The following NLN variants were observed in gnomAD, a reference collection of about 807,000 sequenced individuals.
NLN encodes the protein neurolysin.
A neutral mutation model predicts 79.9 loss-of-function variants in NLN; 64 were observed. That is an observed-to-expected ratio of 0.80 (90% confidence interval 0.65 to 0.99). The LOEUF (loss-of-function observed/expected upper bound fraction) is 0.99. Ranked by LOEUF, NLN falls within the 50% of genes least tolerant of loss-of-function variation. The pLI is 0.00. For synonymous variants in NLN, 267 were observed against 296.6 expected (o/e 0.90, Z 1.02); for missense variants, 835 against 858.7 (o/e 0.97, Z 0.34).
At chr5:65,815,844 G>A (rs1313407181) in intron 12 of NLN, among the ~76,000 whole-genome samples, 1 of 151,908 alleles carries the variant, frequency 6.6e-6, no homozygotes, top group Non-Finnish European at 1.5e-5. Context: ...CAGGTACCCA[G>A]TTATTAAAAA....
intron 4 of NLN, among the ~76,000 whole-genome samples, chr5:65,779,051 A>G (rs1469494831): frequency 1.3e-5 from 2 of 152,036 alleles, no homozygotes; most frequent in African/African-American, 2.4e-5. Flanking sequence ...GGGCGCTGCA[A>G]AGTGGGGCAG....
chr5:65,724,967 A>T (rs950031651), intron 1 of NLN, among the ~76,000 whole-genome samples: 9 of 151,008 alleles, frequency 6.0e-5, no homozygotes, highest in Non-Finnish European at 1.3e-4. Flanking sequence ...ACGCCCGGCT[A>T]ATTTTTTTTT....
rs1759985162 is a variant in NLN at position 65,788,445 on chromosome 5, GAGA to G, written c.1289_1291del (p.Glu430del). 1.9e-6 allele frequency: 3 copies of G among 1,613,812 alleles called. No individual in the cohort carries two copies. The African/African-American group carries it at 4.0e-5, about 22-fold the overall frequency. ...TATACTGTGAAGGATAAAGCTACAG[GAGA>G]AGTATTGGGACAGTTCTATTTGGAC... On this transcript the variant is annotated inframe_deletion, in exon 8 of 13. Coordinates refer to ENST00000380985, the MANE Select transcript of NLN (RefSeq NM_020726.5).
intron 3 of NLN, among the ~76,000 whole-genome samples, chr5:65,768,434 G>A (rs1227009464): frequency 1.3e-5 from 2 of 152,230 alleles, no homozygotes; most frequent in Middle Eastern, 3.4e-3. Context: ...CAGCATGGGG[G>A]AAACTGACCA....
chr5:65,766,959 C>G (rs1248623697), intron 3 of NLN, among the ~76,000 whole-genome samples: 1 of 152,264 alleles, frequency 6.6e-6, no homozygotes, highest in Non-Finnish European at 1.5e-5. Flanking sequence ...GGGGTGGGCC[C>G]CCATGGCCTT....
At chr5:65,811,556 G>A (rs758063851) in intron 11 of NLN, among the ~76,000 whole-genome samples, 3 of 152,062 alleles carry the variant, frequency 2.0e-5, no homozygotes, top group Admixed American at 6.6e-5. Context: ...GGTGACTCAC[G>A]CCTGTAATCC....
In NLN at chr5:65,738,948, T is replaced by TAA. The variant is rs1491433862; in HGVS notation, c.41+16534_41+16535insAA. ...TGTGTGTATATATATTTTTTATATA[T>TAA]GTTTATATATATGTATATATAAATA... On this transcript the variant is annotated intron_variant, in intron 1 of 12. Coordinates refer to ENST00000380985, the MANE Select transcript of NLN (RefSeq NM_020726.5). Among the ~76,000 whole-genome samples, 512 of 82,740 alleles carry TAA rather than the reference T, an allele frequency of 6.2e-3. 14 individuals are homozygous for TAA. Among genetic ancestry groups the TAA allele is most frequent in the African/African-American group, 0.024 (496 of 20,972 alleles). 54.3% of individuals were successfully genotyped at this position (82,740 alleles called of 152,430 possible). A position where few individuals can be genotyped will look rare whatever the true frequency, so the allele number is the denominator to read the frequency against.
chr5:65,785,896 T>C lies in NLN; in HGVS notation c.944T>C (p.Val315Ala), dbSNP rs1405903784. The change falls in exon 7 of 13, where the codon GTA becomes GCA. Residue 315 changes from valine (V) to alanine (A), a missense_variant. Transcript: ENST00000380985. ...AACACTGCAAAGAGCACAAGCCGCG[T>C]AACAGCCTTTCTAGGTTAGTTCTTT... Reference protein sequence around the residue: ...EMNTAKSTSRVTAFLDDLSQK... With the variant: ...EMNTAKSTSRATAFLDDLSQK... The C allele has an allele frequency of 6.2e-7, 1 of 1,612,204 alleles. No individual in the cohort carries two copies. The highest frequency in any genetic ancestry group is 1.7e-5 in the Admixed American group (1 of 59,830).
At chr5:65,814,415 C>T (rs546918522) in intron 12 of NLN, among the ~76,000 whole-genome samples, 72 of 152,196 alleles carry the variant, frequency 4.7e-4, no homozygotes, top group African/African-American at 1.7e-3. Context: ...CAAATTTATT[C>T]GTTCTATTTC....
chr5:65,780,831 G>A (rs71632540), intron 5 of NLN, among the ~76,000 whole-genome samples: 3,930 of 152,156 alleles, frequency 0.026, 75 homozygotes, highest in South Asian at 0.046. Flanking sequence ...GTGCCACCAC[G>A]CCCAGCTAAT....
At chr5:65,820,186 G>T (rs1760762591) in intron 12 of NLN, among the ~76,000 whole-genome samples, 1 of 152,164 alleles carries the variant, frequency 6.6e-6, no homozygotes, top group Admixed American at 6.5e-5. Flanking sequence ...CATTTGGAGT[G>T]ATTTTTTAAA....
intron 1 of NLN, among the ~76,000 whole-genome samples, chr5:65,748,952 T>A (rs563735699): frequency 6.6e-6 from 1 of 152,302 alleles, no homozygotes; most frequent in South Asian, 2.1e-4. Context: ...TGGGAGGTCA[T>A]TGAATCTGGG....
intron 1 of NLN, 58 bp from the exon 2 acceptor site, chr5:65,758,508 AT>A: frequency 2.5e-6 from 3 of 1,192,688 alleles, no homozygotes; most frequent in South Asian, 1.4e-5. Flanking sequence ...GCACATTCAT[AT>A]GTTGACTTTG....
intron 1 of NLN, among the ~76,000 whole-genome samples, chr5:65,753,775 G>A (rs944528051): frequency 7.9e-5 from 12 of 152,008 alleles, no homozygotes; most frequent in African/African-American, 2.4e-4. Context: ...TGTTTTAGTC[G>A]TTGTTCTTCT....
chr5:65,814,893 T>C (rs1002393843), intron 12 of NLN, among the ~76,000 whole-genome samples: 2 of 152,140 alleles, frequency 1.3e-5, no homozygotes, highest in African/African-American at 4.8e-5. Flanking sequence ...TACCATACAA[T>C]ACGAATGTTG....
chr5:65,787,921 C>T (rs1405806687), intron 7 of NLN, among the ~76,000 whole-genome samples, 197 bp from the exon 8 acceptor site: 7 of 152,150 alleles, frequency 4.6e-5, no homozygotes, highest in Admixed American at 2.0e-4. Context: ...TCAATAACCC[C>T]GAAGAGCAAA....
At chr5:65,762,856 C>G in intron 2 of NLN, 104 bp from the exon 3 acceptor site, 1 of 1,146,320 alleles carries the variant, frequency 8.7e-7, no homozygotes, top group East Asian at 2.4e-5. Context: ...TAAAATAAAA[C>G]AAACTTTTAT....
Position 65,763,057 on chromosome 5 carries a change from T to C in NLN, c.399T>C (p.Asp133=). Residue 133 remains aspartate, a synonymous_variant, in exon 3 of 13, where the codon GAT becomes GAC. Coordinates refer to ENST00000380985, the MANE Select transcript of NLN (RefSeq NM_020726.5). ...TEADKRLSRF[D]IEMSMRGDIF... ...CAGACAAAAGACTTTCTCGTTTTGA[T>C]ATTGAGATGAGCATGAGAGGAGATA... 1 of 1,613,848 alleles carries C rather than the reference T, an allele frequency of 6.2e-7. No individual in the cohort carries two copies. Among genetic ancestry groups the C allele is most frequent in the Non-Finnish European group, 8.5e-7 (1 of 1,179,814 alleles).
chr5:65,755,868 A>T (rs749248932), intron 1 of NLN, among the ~76,000 whole-genome samples: 1 of 152,052 alleles, frequency 6.6e-6, no homozygotes, highest in Non-Finnish European at 1.5e-5. Flanking sequence ...AGCCTCTTTT[A>T]GCTACACTGC....
Sources: gnomAD v4.1 joint callset for allele counts (sites outside exome capture counted in the v4.1 genomes callset) on GRCh38, gnomAD v4.1.1 for gene constraint, MANE v1.5 for transcripts, NCBI Gene and HGNC (gene_info 2026-07-23, HGNC 2026-07-21) for gene names.